Variants in FLRT2 observed in about 807,000 individuals in gnomAD.
FLRT2 encodes the protein fibronectin leucine rich transmembrane protein 2, also known as leucine-rich repeat transmembrane protein FLRT2.
In FLRT2, 15 loss-of-function variants were observed where a neutral mutation model predicts 40.0. The observed-to-expected ratio is 0.38, with a 90% CI of 0.25 to 0.58. The LOEUF is 0.58. Ranked by LOEUF, FLRT2 falls within the 20% of genes least tolerant of loss-of-function variation. The probability of loss-of-function intolerance (pLI) is 0.71; values close to 1 mark genes in which losing one functional copy is unlikely to be tolerated. For synonymous variants in FLRT2, 380 were observed against 336.8 expected (o/e 1.13, Z -1.41); for missense variants, 726 against 840.0 (o/e 0.86, Z 1.68).
intron 1 of FLRT2, among the ~76,000 whole-genome samples, chr14:85,605,579 G>T (rs1203469076): frequency 1.3e-5 from 2 of 152,052 alleles, no homozygotes; most frequent in African/African-American, 4.8e-5. Flanking sequence ...GACCATCCTG[G>T]CTAACACGGT....
intron 1 of FLRT2, among the ~76,000 whole-genome samples, chr14:85,579,585 G>C (rs1453486760): frequency 6.6e-6 from 1 of 152,038 alleles, no homozygotes; most frequent in Non-Finnish European, 1.5e-5. Flanking sequence ...AAATTAATTT[G>C]CCTCTCAGAA....
At chr14:85,593,232 A>C (rs966713027) in intron 1 of FLRT2, among the ~76,000 whole-genome samples, 3 of 152,178 alleles carry the variant, frequency 2.0e-5, no homozygotes, top group Non-Finnish European at 4.4e-5. Context: ...TTTTTTTTGA[A>C]GCATGGGTTG....
intron 1 of FLRT2, among the ~76,000 whole-genome samples, chr14:85,581,454 G>A (rs1234270567): frequency 6.6e-6 from 1 of 152,142 alleles, no homozygotes; most frequent in East Asian, 1.9e-4. Context: ...AGTTCAAACA[G>A]TTTAGAAAAC....
intron 1 of FLRT2, among the ~76,000 whole-genome samples, chr14:85,565,309 T>G (rs1172981070): frequency 6.6e-6 from 1 of 152,214 alleles, no homozygotes; most frequent in Non-Finnish European, 1.5e-5. Flanking sequence ...ATAGCTTTTG[T>G]CATAACATCA....
At chr14:85,573,348 G>A (rs1331195898) in intron 1 of FLRT2, among the ~76,000 whole-genome samples, 2 of 151,520 alleles carry the variant, frequency 1.3e-5, no homozygotes, top group South Asian at 2.1e-4. Context: ...CACATCTTTG[G>A]GAGCAAAAAG....
At chr14:85,555,649 C>T (rs1889901760) in intron 1 of FLRT2, among the ~76,000 whole-genome samples, 1 of 150,056 alleles carries the variant, frequency 6.7e-6, no homozygotes, top group African/African-American at 2.4e-5. Flanking sequence ...CACAGCCTAA[C>T]CGTATCAAGC....
intron 1 of FLRT2, among the ~76,000 whole-genome samples, chr14:85,601,920 T>A (rs1308776536): frequency 6.6e-6 from 1 of 152,118 alleles, no homozygotes; most frequent in Non-Finnish European, 1.5e-5. Flanking sequence ...GTTTTGAATA[T>A]CAGGTTCTAG....
chr14:85,612,109 G>GTT (rs1892912904), intron 1 of FLRT2, among the ~76,000 whole-genome samples: 1 of 137,836 alleles, frequency 7.3e-6, no homozygotes, highest in African/African-American at 2.6e-5. Context: ...GTGCACCTGA[G>GTT]TTTTTAAAAT....
In FLRT2 at chr14:85,646,293, T is replaced by C. The variant is rs1054691283; in HGVS notation, c.*22796T>C. The stretch of plus-strand genomic sequence containing the variant: ...GGACACTGTCATTCAGAATAAGATG[T>C]ATGATCTGAATTAGTGGCCAATACC... On this transcript the variant is annotated 3_prime_UTR_variant, in exon 2 of 2. Transcript: ENST00000330753. 14 of 152,218 alleles carry C rather than the reference T, an allele frequency of 9.2e-5. No homozygotes were observed. The highest frequency in any genetic ancestry group is 3.1e-4 in the African/African-American group (13 of 41,456). 9.4% of individuals were successfully genotyped at this position (152,218 alleles called of 1,614,324 possible).
intron 1 of FLRT2, among the ~76,000 whole-genome samples, chr14:85,598,314 C>T (rs1179056902): frequency 2.0e-5 from 3 of 152,178 alleles, no homozygotes; most frequent in Non-Finnish European, 4.4e-5. Flanking sequence ...ACAAGTCTGT[C>T]TGACTGCATT....
chr14:85,547,325 CTTTTTT>C (rs57883277), intron 1 of FLRT2, among the ~76,000 whole-genome samples: 1 of 139,310 alleles, frequency 7.2e-6, no homozygotes, highest in Non-Finnish European at 1.6e-5. Context: ...TTCTTTCTTT[CTTTTTT>C]TTTTTTTTTG....
chr14:85,624,246 T>A lies in FLRT2; in HGVS notation c.*749T>A, dbSNP rs193256467. On this transcript the variant is annotated 3_prime_UTR_variant, in exon 2 of 2. Transcript: ENST00000330753. ...AGAGACTTGAGTCTGATTTCAGTCA[T>A]CTTCAGGGACCAGTCTGATGTTGTA... 1 of 167,228 alleles carries A rather than the reference T, an allele frequency of 6.0e-6. No homozygotes were observed. Among genetic ancestry groups the A allele is most frequent in the East Asian group, 1.9e-4 (1 of 5,190 alleles). The allele number at this position is 167,228 out of a possible 1,614,324, so 10.4% of individuals were successfully genotyped here.
intron 1 of FLRT2, among the ~76,000 whole-genome samples, chr14:85,574,655 T>C (rs1891046767): frequency 6.6e-6 from 1 of 152,216 alleles, no homozygotes; most frequent in African/African-American, 2.4e-5. Context: ...TTGAAGATTT[T>C]TTTTTTAGAG....
chr14:85,546,896 C>T (rs1388535393), intron 1 of FLRT2, among the ~76,000 whole-genome samples: 1 of 152,192 alleles, frequency 6.6e-6, no homozygotes, highest in Admixed American at 6.5e-5. Context: ...CTTTATTAAA[C>T]AAAATATGCT....
Position 85,535,049 on chromosome 14 carries a change from C to T in FLRT2, c.-377+4515C>T, listed in dbSNP as rs573762247. Among the ~76,000 whole-genome samples, 8 of 152,264 alleles carry T rather than the reference C, an allele frequency of 5.3e-5. No homozygotes were observed. In the East Asian group the frequency reaches 9.7e-4, roughly 18 times the overall value. On this transcript the variant is annotated intron_variant, in intron 1 of 1. Transcript: ENST00000330753. Reference sequence around the variant, plus strand: ...GCTAACCAAGTGTAAGGCACAAATCCGTGTAAACGCTCGCTCAAGAGTGCA... The same window carrying T: ...GCTAACCAAGTGTAAGGCACAAATCTGTGTAAACGCTCGCTCAAGAGTGCA...
In FLRT2 at chr14:85,623,513, C is replaced by A. The variant is rs888795422; in HGVS notation, c.*16C>A. The A allele has an allele frequency of 9.2e-6, 13 of 1,416,608 alleles. No individual in the cohort carries two copies. The highest frequency in any genetic ancestry group is 1.2e-5 in the Non-Finnish European group (13 of 1,082,752). 87.8% of individuals were successfully genotyped at this position (1,416,608 alleles called of 1,614,324 possible). The stretch of plus-strand genomic sequence containing the variant: ...CCATACGTGACAGCCAGAGGCCCAG[C>A]GTTATCAAGGCGGACAATTAGACTC... On this transcript the variant is annotated 3_prime_UTR_variant, in exon 2 of 2. Transcript: ENST00000330753.
intron 1 of FLRT2, among the ~76,000 whole-genome samples, chr14:85,537,877 A>G (rs1888763076): frequency 6.7e-6 from 1 of 149,722 alleles, no homozygotes; most frequent in Non-Finnish European, 1.5e-5. Flanking sequence ...CGAATTTCAC[A>G]TCTACTGGTG....
At chr14:85,578,346 C>CA (rs963715462) in intron 1 of FLRT2, among the ~76,000 whole-genome samples, 7 of 150,684 alleles carry the variant, frequency 4.6e-5, no homozygotes, top group East Asian at 1.9e-4. Context: ...TGTGCCAGAC[C>CA]AAAAAAAATC....
At chr14:85,535,653 TGAAAGCCCGAAACAGGATA>T (rs1190644890) in intron 1 of FLRT2, among the ~76,000 whole-genome samples, 1 of 151,896 alleles carries the variant, frequency 6.6e-6, no homozygotes, top group East Asian at 1.9e-4. Flanking sequence ...CTCCCCTCCT[TGAAAGCCCGAAACAGGATA>T]GGGTTAAACC....
Sources: allele counts gnomAD v4.1 joint callset (sites outside exome capture counted in the v4.1 genomes callset), GRCh38; gene constraint gnomAD v4.1.1; transcripts MANE v1.5; gene names NCBI Gene and HGNC (gene_info 2026-07-23, HGNC 2026-07-21).